ELF2: variants seen among roughly 807,000 people sequenced by gnomAD.
ELF2 encodes E74 like ETS transcription factor 2, also known as ETS-related transcription factor Elf-2.
Under a neutral mutation model 54.8 loss-of-function variants are expected in ELF2, and 11 were observed. The ratio of observed to expected loss-of-function variants is 0.20; its 90% CI spans 0.13 to 0.33. ELF2 has a LOEUF of 0.33. ELF2 is among the 10% of genes least tolerant of loss of function. The pLI is 1.00. For missense variants in ELF2, 513 were observed against 703.0 expected, an observed-to-expected ratio of 0.73 and a Z score of 3.06; for synonymous variants, 203 against 245.1, an observed-to-expected ratio of 0.83 and a Z score of 1.61.
intron 1 of ELF2, among the ~76,000 whole-genome samples, chr4:139,156,092 T>G (rs1264410209): frequency 2.0e-5 from 3 of 152,182 alleles, no homozygotes; most frequent in Non-Finnish European, 2.9e-5. Context: ...TAACAATATC[T>G]CAAAATCCTT....
At position 139,107,300 on chromosome 4, in the gene ELF2, T is replaced by C. The variant is rs570371411; in HGVS notation, c.238+17864A>G. On this transcript the variant is annotated intron_variant, in intron 4 of 9. Transcript: ENST00000686138. ...AGTTCTGTTGACCCCCTCTGAGTGA[T>C]AGGCCTCTTTATAAATAGACATTCA... Among the ~76,000 whole-genome samples the C allele has an allele frequency of 1.4e-4, 22 of 152,340 alleles. No individual in the cohort carries two copies. The Middle Eastern group carries it at 0.01, about 71-fold the overall frequency.
At chr4:139,084,012 A>C in intron 4 of ELF2, 1 of 1,505,962 alleles carries the variant, frequency 6.6e-7, no homozygotes, top group South Asian at 1.2e-5. Context: ...CAGCCGCCCC[A>C]GTGACTGTGA....
chr4:139,072,721 T>C (rs1199166412), intron 5 of ELF2, among the ~76,000 whole-genome samples: 1 of 152,216 alleles, frequency 6.6e-6, no homozygotes, highest in African/African-American at 2.4e-5. Context: ...ACATTTCTAT[T>C]TCAATTAAGA....
At chr4:139,149,139 G>T (rs186792598) in intron 1 of ELF2, among the ~76,000 whole-genome samples, 1 of 152,022 alleles carries the variant, frequency 6.6e-6, no homozygotes, top group Non-Finnish European at 1.5e-5. Flanking sequence ...GCAAATAAAC[G>T]GCATAGGAAT....
chr4:139,075,236 G>A (rs1236898467), intron 4 of ELF2, among the ~76,000 whole-genome samples: 1 of 152,206 alleles, frequency 6.6e-6, no homozygotes, highest in Non-Finnish European at 1.5e-5. Context: ...CCAACAGCTT[G>A]GGTTCCAGTC....
chr4:139,137,956 C>T, intron 2 of ELF2, 89 bp from the exon 3 acceptor site: 1 of 921,116 alleles, frequency 1.1e-6, no homozygotes, highest in Non-Finnish European at 1.5e-6. Context: ...CTAATTTTAA[C>T]ACTTAACTAA....
intron 7 of ELF2, among the ~76,000 whole-genome samples, 177 bp from the exon 8 acceptor site, chr4:139,062,234 A>G (rs961407447): frequency 2.6e-5 from 4 of 151,654 alleles, no homozygotes; most frequent in Non-Finnish European, 4.4e-5. Flanking sequence ...GCAGTGGCAC[A>G]ATCTTGGCTC....
chr4:139,149,295 A>G (rs1274987554), intron 1 of ELF2, among the ~76,000 whole-genome samples: 2 of 152,236 alleles, frequency 1.3e-5, no homozygotes, highest in Non-Finnish European at 2.9e-5. Context: ...ATAGGCCAGC[A>G]ACAGAGTATA....
Position 139,065,405 on chromosome 4 carries a change from G to A in ELF2, c.613+2279C>T, listed in dbSNP as rs184450475. Among the ~76,000 whole-genome samples the A allele has an allele frequency of 6.6e-5, 10 of 152,318 alleles. No individual in the cohort carries two copies. The East Asian group carries it at 9.6e-4, about 15-fold the overall frequency. ...GGCAGAAGAATACTTTAGCCTGGGA[G>A]GCTGAGGCTGCAATGAGTTATGATC... On this transcript the variant is annotated intron_variant, in intron 7 of 9. Coordinates refer to ENST00000686138, the MANE Select transcript of ELF2 (RefSeq NM_001331036.3).
intron 1 of ELF2, among the ~76,000 whole-genome samples, chr4:139,144,922 C>A (rs1038644447): frequency 6.6e-6 from 1 of 152,214 alleles, no homozygotes; most frequent in South Asian, 2.1e-4. Flanking sequence ...TAGGTTAACA[C>A]AAAAGACAGA....
chr4:139,151,043 A>AGGAAG (rs776022989), intron 1 of ELF2, among the ~76,000 whole-genome samples: 1 of 73,674 alleles, frequency 1.4e-5, no homozygotes, highest in African/African-American at 4.3e-5. Flanking sequence ...AAAGAAAGAA[A>AGGAAG]GAAAGAAAGA....
intron 1 of ELF2, among the ~76,000 whole-genome samples, chr4:139,170,462 C>T (rs1742183548): frequency 6.6e-6 from 1 of 151,256 alleles, no homozygotes; most frequent in South Asian, 2.1e-4. Context: ...TGGGGTTTCA[C>T]CATGTTGGCC....
chr4:139,075,867 A>G (rs1265012894), intron 4 of ELF2, among the ~76,000 whole-genome samples: 1 of 152,222 alleles, frequency 6.6e-6, no homozygotes, highest in Admixed American at 6.5e-5. Context: ...TAACTTAGTA[A>G]GACGTTCTGA....
At chr4:139,081,991 C>CA (rs1731182577) in intron 4 of ELF2, among the ~76,000 whole-genome samples, 1 of 152,090 alleles carries the variant, frequency 6.6e-6, no homozygotes, top group Admixed American at 6.5e-5. Context: ...TTTAAAACCC[C>CA]TTATCAAAAG....
Position 139,172,611 on chromosome 4 carries a change from T to G in ELF2, c.-252+4356A>C, listed in dbSNP as rs1041534290. Among the ~76,000 whole-genome samples, 5 of 152,174 alleles carry G rather than the reference T, an allele frequency of 3.3e-5. No homozygotes were observed. The East Asian group carries it at 9.6e-4, about 29-fold the overall frequency. On this transcript the variant is annotated intron_variant, in intron 1 of 9. Transcript: ENST00000686138. ...CCAAAAAGAAGCTGTAAAATACTTA[T>G]TTTAAGTGAAAAAGTGAAAGTTCTC...
chr4:139,059,451 G>T lies in ELF2; in HGVS notation c.1314C>A (p.Ile438=). 1 of 1,613,974 alleles carries T rather than the reference G, an allele frequency of 6.2e-7. No individual in the cohort carries two copies. ...ATSPKVVIQT[I]PTVMPASTEN... ...CAGTAGAAGCTGGCATCACAGTAGG[G>T]ATTGTCTGAATGACTACCTTTGGAG... Residue 438 remains isoleucine, a synonymous_variant, in exon 10 of 10, where the codon ATC becomes ATA. Coordinates refer to ENST00000686138, the MANE Select transcript of ELF2 (RefSeq NM_001331036.3).
At chr4:139,091,219 C>T (rs1732540510) in intron 4 of ELF2, among the ~76,000 whole-genome samples, 1 of 152,102 alleles carries the variant, frequency 6.6e-6, no homozygotes, top group African/African-American at 2.4e-5. Context: ...CGTGAGCCAC[C>T]TCACCCGACC....
intron 4 of ELF2, among the ~76,000 whole-genome samples, chr4:139,089,457 C>T (rs946488326): frequency 1.3e-5 from 2 of 152,198 alleles, no homozygotes; most frequent in East Asian, 3.8e-4. Flanking sequence ...TTGAATACAA[C>T]CCCCAGAGAA....
intron 1 of ELF2, among the ~76,000 whole-genome samples, chr4:139,167,886 A>T (rs990833558): frequency 6.6e-6 from 1 of 152,210 alleles, no homozygotes; most frequent in Non-Finnish European, 1.5e-5. Context: ...ATAATTGAAC[A>T]AGGGGAGACT....
Sources: gnomAD v4.1 joint callset for allele counts (sites outside exome capture counted in the v4.1 genomes callset) on GRCh38, gnomAD v4.1.1 for gene constraint, MANE v1.5 for transcripts, NCBI Gene and HGNC (gene_info 2026-07-23, HGNC 2026-07-21) for gene names.